PFKM: variants seen among roughly 807,000 people sequenced by gnomAD.
PFKM encodes phosphofructokinase, muscle.
In PFKM, 58 loss-of-function variants were observed where a neutral mutation model predicts 95.5. The ratio of observed to expected loss-of-function variants is 0.61; its 90% CI spans 0.49 to 0.76. The LOEUF (loss-of-function observed/expected upper bound fraction) is 0.76, where lower values mean the gene tolerates loss of function less well. PFKM is among the 30% of genes least tolerant of loss of function. The probability of loss-of-function intolerance (pLI) is 0.00; values close to 1 mark genes in which losing one functional copy is unlikely to be tolerated. For missense variants in PFKM, 678 were observed against 1,005.4 expected (o/e 0.67, Z 4.40); for synonymous variants, 336 against 357.2 (o/e 0.94, Z 0.67).
chr12:48,114,404 T>C (rs547823029), upstream of PFKM, among the ~76,000 whole-genome samples: 1 of 152,210 alleles, frequency 6.6e-6, no homozygotes, highest in Non-Finnish European at 1.5e-5. Context: ...GAGGAAATTT[T>C]TGGGCAGGTG....
intron 3 of PFKM, 77 bp downstream of exon 3, chr12:48,130,513 C>T: frequency 9.2e-7 from 1 of 1,082,508 alleles, no homozygotes; most frequent in Middle Eastern, 2.0e-4. Context: ...TTCCCACATT[C>T]TGTGTCCTTA....
At chr12:48,118,348 A>C (rs891198231), upstream of PFKM, 19 of 602,964 alleles carry the variant, frequency 3.2e-5, no homozygotes, top group African/African-American at 3.5e-4. Context: ...CATGATTTGC[A>C]AATATTTTCT....
upstream of PFKM, among the ~76,000 whole-genome samples, chr12:48,117,619 A>C (rs933909094): frequency 9.2e-5 from 14 of 152,188 alleles, no homozygotes; most frequent in Admixed American, 9.2e-4. Flanking sequence ...TGCCACCTGT[A>C]TATCTTCTTT....
intron 2 of PFKM, chr12:48,125,179 G>A (rs1201165101): frequency 2.2e-5 from 6 of 273,698 alleles, no homozygotes; most frequent in Non-Finnish European, 2.9e-5. Flanking sequence ...GGCTTCAGCC[G>A]CCAAAACTAT....
Position 48,145,311 on chromosome 12 carries a change from T to G in PFKM, c.2194T>G (p.Phe732Val), listed in dbSNP as rs369389809. 9.3e-6 allele frequency: 15 copies of G among 1,610,912 alleles called. No individual in the cohort carries two copies. The highest frequency in any genetic ancestry group is 1.3e-5 in the African/African-American group (1 of 74,846). Residue 732 changes from phenylalanine to valine, a missense_variant, in exon 22 of 23, where the codon TTT becomes GTT. Coordinates refer to ENST00000359794, the MANE Select transcript of PFKM (RefSeq NM_000289.6). This position sits in a 1 kb window ranked among gnomAD's most constrained non-coding sequence, Gnocchi z 4.3. The stretch of plus-strand genomic sequence containing the variant: ...GGCTGAGCTGAAGGACCAGACAGAT[T>G]TTGAGTGAGTACATCTGCTTCCTGG... ...PVAELKDQTD[F>V]EHRIPKEQWW...
upstream of PFKM, chr12:48,119,266 T>C: frequency 2.0e-6 from 2 of 984,942 alleles, no homozygotes; most frequent in Non-Finnish European, 2.4e-6. Context: ...CATCTGTTAG[T>C]GGAGGTTGGG....
At chr12:48,124,964 T>C (rs1468505225) in intron 2 of PFKM, among the ~76,000 whole-genome samples, 1 of 152,184 alleles carries the variant, frequency 6.6e-6, no homozygotes, top group East Asian at 1.9e-4. Flanking sequence ...CCCTTAGGGC[T>C]TGTGGGCCAC....
At chr12:48,124,118 T>C (rs904794341) in intron 2 of PFKM, among the ~76,000 whole-genome samples, 2 of 152,232 alleles carry the variant, frequency 1.3e-5, no homozygotes, top group African/African-American at 4.8e-5. Flanking sequence ...ATGATACTTA[T>C]TAGTATATTA....
At chr12:48,134,917 C>A in intron 8 of PFKM, 26 bp from the exon 9 acceptor site, 1 of 1,603,488 alleles carries the variant, frequency 6.2e-7, no homozygotes, top group Non-Finnish European at 8.5e-7. Flanking sequence ...ATTCCATGGA[C>A]CATTTTACCC....
chr12:48,127,923 G>A (rs1949025915), intron 2 of PFKM, among the ~76,000 whole-genome samples: 1 of 152,180 alleles, frequency 6.6e-6, no homozygotes, highest in African/African-American at 2.4e-5. Context: ...ATCACCCATG[G>A]ATCCCTGATT....
chr12:48,142,013 C>G lies in PFKM; in HGVS notation c.1600C>G (p.Pro534Ala). The change falls in exon 17 of 23, where the codon CCT (proline) becomes GCT (alanine). Residue 534 changes from proline (P) to alanine (A), a missense_variant. Coordinates refer to ENST00000359794, the MANE Select transcript of PFKM (RefSeq NM_000289.6). ...TCCTGCTACAGTCTCCAACAATGTC[C>G]CTGGCTCAGACTTCAGCGTTGGGGC... ...VIPATVSNNV[P>A]GSDFSVGADT... The G allele has an allele frequency of 6.2e-7, 1 of 1,614,118 alleles. No individual in the cohort carries two copies. The highest frequency in any genetic ancestry group is 8.5e-7 in the Non-Finnish European group (1 of 1,179,986).
Position 48,145,698 on chromosome 12 carries a change from C to CGG in PFKM, c.2333_2334insGG (p.Ala779ValfsTer22), listed in dbSNP as rs1950990333. ...ATCACCCGGAAGCGGTCCGGGGAAGCTGCCGTCTAAACCTCTCTGGAGTGA... is the reference window on the plus strand; with the variant it reads ...ATCACCCGGAAGCGGTCCGGGGAAGCGGTGCCGTCTAAACCTCTCTGGAGTGA... On this transcript the variant is annotated frameshift_variant, in exon 23 of 23. Coordinates refer to ENST00000359794, the MANE Select transcript of PFKM (RefSeq NM_000289.6). LOFTEE classifies it high-confidence loss of function. This position sits in a 1 kb window ranked among gnomAD's most constrained non-coding sequence, Gnocchi z 4.3. 6.2e-7 allele frequency: 1 copy of CGG among 1,614,038 alleles called. No homozygotes were observed. The highest frequency in any genetic ancestry group is 1.3e-5 in the African/African-American group (1 of 74,940).
intron 1 of PFKM, chr12:48,122,500 A>G (rs1333021676): frequency 2.8e-6 from 3 of 1,063,858 alleles, no homozygotes; most frequent in Non-Finnish European, 2.5e-6. Flanking sequence ...TTATTCCCCA[A>G]ATAGGTTCCA....
chr12:48,110,716 A>G (rs543576719), intron 3 of PFKM, among the ~76,000 whole-genome samples: 1 of 152,334 alleles, frequency 6.6e-6, no homozygotes, highest in South Asian at 2.1e-4. Context: ...GTCCTTAAGA[A>G]AAATGGAATA....
At chr12:48,116,624 A>G (rs753626356), upstream of PFKM, among the ~76,000 whole-genome samples, 3 of 152,104 alleles carry the variant, frequency 2.0e-5, no homozygotes, top group South Asian at 4.1e-4. Context: ...GACTACAGGC[A>G]TGTGCCACCA....
intron 1 of PFKM, among the ~76,000 whole-genome samples, chr12:48,106,857 A>G (rs904020208): frequency 1.3e-5 from 2 of 152,192 alleles, no homozygotes; most frequent in Non-Finnish European, 2.9e-5. Context: ...TTCTGGGTAG[A>G]GATAGAGAAG....
intron 3 of PFKM, among the ~76,000 whole-genome samples, chr12:48,111,820 A>T (rs1947215664): frequency 6.6e-6 from 1 of 152,190 alleles, no homozygotes; most frequent in Non-Finnish European, 1.5e-5. Flanking sequence ...GGCCAGGAAC[A>T]ATGGTAATTG....
At position 48,134,937 on chromosome 12, in the gene PFKM, A is replaced by AG; in HGVS notation, c.748-6_748-5insG. On this transcript the variant is annotated splice_region_variant and splice_polypyrimidine_tract_variant and intron_variant, in intron 8 of 22. Transcript: ENST00000359794. ...ATGGACCATTTTACCCTTTGTTCTC[A>AG]ACCAGACAAGGACCCGTGGTTCTCG... The AG allele has an allele frequency of 1.2e-6, 2 of 1,613,326 alleles. No individual in the cohort carries two copies. Among genetic ancestry groups the AG allele is most frequent in the Non-Finnish European group, 1.7e-6 (2 of 1,179,292 alleles).
intron 7 of PFKM, 75 bp downstream of exon 7, chr12:48,134,351 G>C: frequency 1.1e-5 from 14 of 1,261,160 alleles, no homozygotes; most frequent in Non-Finnish European, 1.5e-5. Context: ...AGAGTCCAGT[G>C]AGGTCTCTCA....
Sources: allele counts gnomAD v4.1 joint callset (sites outside exome capture counted in the v4.1 genomes callset), GRCh38; gene constraint gnomAD v4.1.1; non-coding constraint Gnocchi (gnomAD v3.1); transcripts MANE v1.5; gene names NCBI Gene and HGNC (gene_info 2026-07-23, HGNC 2026-07-21).